CNTN1: variants seen among roughly 807,000 people sequenced by gnomAD.
The protein encoded by CNTN1 is contactin 1, also known as contactin-1.
CNTN1 carries 38 observed loss-of-function variants against 126.4 expected under a neutral mutation model. The observed-to-expected ratio is 0.30, with a 90% CI of 0.23 to 0.39. The LOEUF (loss-of-function observed/expected upper bound fraction) is 0.39, where lower values mean the gene tolerates loss of function less well. Among genes scored for constraint, CNTN1 ranks in the 10% least tolerant of loss-of-function variants. The pLI, the probability that CNTN1 is intolerant of heterozygous loss-of-function variation, is 1.00. For synonymous variants in CNTN1, 413 were observed against 422.6 expected (o/e 0.98, Z 0.28); for missense variants, 1,009 against 1,248.4 (o/e 0.81, Z 2.89).
intron 1 of CNTN1, among the ~76,000 whole-genome samples, chr12:40,857,038 A>G (rs780688532): frequency 1.3e-5 from 2 of 152,122 alleles, no homozygotes; most frequent in Non-Finnish European, 2.9e-5. Flanking sequence ...TATTAATAAG[A>G]GTTTAGATGT....
chr12:40,937,010 T>A, intron 10 of CNTN1, 105 bp downstream of exon 10: 1 of 1,403,168 alleles, frequency 7.1e-7, no homozygotes, highest in Non-Finnish European at 1.0e-6. Flanking sequence ...GAAAGGGCAC[T>A]TGGGCCCTGA....
At chr12:40,808,309 A>G (rs1940936089) in intron 1 of CNTN1, among the ~76,000 whole-genome samples, 1 of 152,176 alleles carries the variant, frequency 6.6e-6, no homozygotes, top group Non-Finnish European at 1.5e-5. Context: ...ATGTGTAACA[A>G]CTGACTCTCC....
chr12:40,762,372 T>A (rs1938896237), intron 1 of CNTN1, among the ~76,000 whole-genome samples: 1 of 114,126 alleles, frequency 8.8e-6, no homozygotes, highest in Non-Finnish European at 1.8e-5. Flanking sequence ...ATCATGATGA[T>A]AAGACAAGGA....
chr12:40,973,790 T>C (rs565785944), intron 15 of CNTN1, among the ~76,000 whole-genome samples: 33 of 152,260 alleles, frequency 2.2e-4, no homozygotes, highest in African/African-American at 7.7e-4. Flanking sequence ...AGGGCTACTA[T>C]CTAAGTAGTG....
chr12:40,764,414 GTTTGTCTA>G (rs1938995408), intron 1 of CNTN1, among the ~76,000 whole-genome samples: 1 of 152,078 alleles, frequency 6.6e-6, no homozygotes, highest in African/African-American at 2.4e-5. Context: ...AAGAAAAGAG[GTTTGTCTA>G]TTTGATTAAG....
chr12:41,021,950 T>C (rs2120791918), intron 20 of CNTN1, among the ~76,000 whole-genome samples: 1 of 152,196 alleles, frequency 6.6e-6, no homozygotes, highest in South Asian at 2.1e-4. Context: ...TTTCTTCTTT[T>C]ATATTATTTA....
At chr12:40,873,944 A>G (rs1215507897) in intron 1 of CNTN1, among the ~76,000 whole-genome samples, 1 of 152,206 alleles carries the variant, frequency 6.6e-6, no homozygotes, top group East Asian at 1.9e-4. Context: ...TGCTACATAT[A>G]GAGACAGGAA....
intron 23 of CNTN1, among the ~76,000 whole-genome samples, chr12:41,033,296 C>A (rs12321711): frequency 0.061 from 9,320 of 152,020 alleles, 338 homozygotes; most frequent in Middle Eastern, 0.13. Flanking sequence ...CTTCAAAAAC[C>A]GTTTTTAATA....
chr12:40,919,991 G>A (rs1356570405), intron 4 of CNTN1, among the ~76,000 whole-genome samples: 5 of 152,150 alleles, frequency 3.3e-5, no homozygotes, highest in Admixed American at 3.3e-4. Context: ...TACAGGAGAG[G>A]AAGCTGAATC....
intron 15 of CNTN1, among the ~76,000 whole-genome samples, chr12:40,976,686 C>A (rs567113107): frequency 3.2e-4 from 48 of 152,046 alleles, no homozygotes; most frequent in African/African-American, 1.0e-3. Flanking sequence ...ATTTTATTTT[C>A]TACCTCAACA....
Position 40,993,118 on chromosome 12 carries a change from A to G in CNTN1, c.1964-2A>G, listed in dbSNP as rs1309128407. On this transcript the variant is annotated splice_acceptor_variant, in intron 16 of 23. Transcript: ENST00000551295. LOFTEE classifies it high-confidence loss of function. ...TCTCTATTTACTATTTATTTTATTCAGATCCCCCAATTATTGAAGGAAATA... is the reference window on the plus strand; with the variant it reads ...TCTCTATTTACTATTTATTTTATTCGGATCCCCCAATTATTGAAGGAAATA... 1 of 1,611,816 alleles carries G rather than the reference A, an allele frequency of 6.2e-7. No individual in the cohort carries two copies. Among genetic ancestry groups the G allele is most frequent in the South Asian group, 1.1e-5 (1 of 91,016 alleles).
At chr12:40,883,883 T>G (rs1943948224) in intron 1 of CNTN1, among the ~76,000 whole-genome samples, 1 of 151,512 alleles carries the variant, frequency 6.6e-6, no homozygotes, top group African/African-American at 2.4e-5. Context: ...ATAAGAGAAA[T>G]GCACTTAAAT....
chr12:40,750,115 A>G (rs1011470815), intron 1 of CNTN1, among the ~76,000 whole-genome samples: 2 of 152,110 alleles, frequency 1.3e-5, no homozygotes, highest in African/African-American at 4.8e-5. Flanking sequence ...TGGAGACAGT[A>G]TTAACAGCTC....
chr12:40,863,688 C>A (rs1335857071), intron 1 of CNTN1, among the ~76,000 whole-genome samples: 1 of 152,136 alleles, frequency 6.6e-6, no homozygotes, highest in Non-Finnish European at 1.5e-5. Flanking sequence ...CTCATAGGAG[C>A]TGGAACCCTA....
intron 14 of CNTN1, among the ~76,000 whole-genome samples, chr12:40,949,446 C>T (rs2136972110): frequency 7.5e-6 from 1 of 132,940 alleles, no homozygotes; most frequent in East Asian, 2.5e-4. Flanking sequence ...CCACAACAGT[C>T]CCCAGAGTGT....
At chr12:40,724,458 T>C (rs967780236) in intron 1 of CNTN1, among the ~76,000 whole-genome samples, 7 of 152,324 alleles carry the variant, frequency 4.6e-5, no homozygotes, top group African/African-American at 7.2e-5. Context: ...ACTTAATTTC[T>C]GTCTGCCACT....
Position 40,713,061 on chromosome 12 carries a change from G to T in CNTN1, c.-77+20469G>T, listed in dbSNP as rs116452216. Among the ~76,000 whole-genome samples the T allele has an allele frequency of 1.0e-2, 1,517 of 152,138 alleles. 30 individuals carry two copies. The highest frequency in any genetic ancestry group is 0.035 in the African/African-American group (1,435 of 41,500). ...GCTGTGTAATGTATAAAGAAAAGAG[G>T]TTTATTTGGCTCATGGTTCTGCAAA... On this transcript the variant is annotated intron_variant, in intron 1 of 23. Coordinates refer to ENST00000551295, the MANE Select transcript of CNTN1 (RefSeq NM_001843.4).
At position 40,849,858 on chromosome 12, in the gene CNTN1, A is replaced by G. The variant is rs141769924; in HGVS notation, c.-76-58499A>G. Among the ~76,000 whole-genome samples the G allele has an allele frequency of 4.7e-3, 708 of 152,184 alleles. 6 individuals carry two copies. Among genetic ancestry groups the G allele is most frequent in the African/African-American group, 0.016 (684 of 41,576 alleles). ...CCTGTGAGACACAGAATACTATTTT[A>G]GTGAGATACATATATGGTACATACA... On this transcript the variant is annotated intron_variant, in intron 1 of 23. Transcript: ENST00000551295.
chr12:40,880,388 C>T (rs368088121), intron 1 of CNTN1, among the ~76,000 whole-genome samples: 10 of 152,018 alleles, frequency 6.6e-5, no homozygotes, highest in East Asian at 5.8e-4. Flanking sequence ...GATGTAAATA[C>T]GTTTGCTGAG....
Sources: allele counts gnomAD v4.1 joint callset (sites outside exome capture counted in the v4.1 genomes callset), GRCh38; gene constraint gnomAD v4.1.1; transcripts MANE v1.5; gene names NCBI Gene and HGNC (gene_info 2026-07-23, HGNC 2026-07-21).